PRORP: variants seen among roughly 807,000 people sequenced by gnomAD.
The protein encoded by PRORP is protein only RNase P catalytic subunit, also known as mitochondrial ribonuclease P catalytic subunit.
Under a neutral mutation model 59.4 loss-of-function variants are expected in PRORP, and 51 were observed. The observed-to-expected ratio is 0.86, with a 90% CI of 0.69 to 1.08. The LOEUF is 1.08. PRORP is among the 50% of genes least tolerant of loss of function. PRORP has a pLI of 0.00. For synonymous variants in PRORP, 231 were observed against 245.6 expected, an observed-to-expected ratio of 0.94 and a Z score of 0.55; for missense variants, 646 against 690.3, an observed-to-expected ratio of 0.94 and a Z score of 0.72.
At chr14:35,166,607 G>A (rs986192973) in intron 4 of PRORP, among the ~76,000 whole-genome samples, 3 of 151,952 alleles carry the variant, frequency 2.0e-5, no homozygotes, top group African/African-American at 4.8e-5. Context: ...GTGCCACCAC[G>A]CCCAGCTAAT....
At position 35,123,493 on chromosome 14, in the gene PRORP, A is replaced by T. The variant is rs1566437469; in HGVS notation, c.248A>T (p.His83Leu). ...AATAAGCAAGTTTATTCTGTTCCTCATTTTTTTTTAGCTGGAGCAGCTAAG... is the reference window on the plus strand; with the variant it reads ...AATAAGCAAGTTTATTCTGTTCCTCTTTTTTTTTTAGCTGGAGCAGCTAAG... ...GSNKQVYSVP[H>L]FFLAGAAKER... is the part of the protein sequence containing the mutation. The change falls in exon 2 of 8, where the codon CAT becomes CTT. Residue 83 changes from histidine (H) to leucine (L), a missense_variant. Physicochemically the swap from His to Leu is moderately conservative, Grantham distance 99. Transcript: ENST00000534898. 9.4e-6 allele frequency: 15 copies of T among 1,598,270 alleles called. 1 individual carries two copies. The Admixed American group carries it at 2.2e-4, about 23-fold the overall frequency.
chr14:35,211,079 G>C (rs773647593), intron 5 of PRORP, among the ~76,000 whole-genome samples: 1 of 152,002 alleles, frequency 6.6e-6, no homozygotes, highest in Non-Finnish European at 1.5e-5. Flanking sequence ...GGTCAAAACA[G>C]TTTTCTTTAG....
chr14:35,220,127 G>A (rs898319018), intron 5 of PRORP, among the ~76,000 whole-genome samples: 3 of 151,964 alleles, frequency 2.0e-5, no homozygotes, highest in African/African-American at 7.3e-5. Flanking sequence ...ACAAGTTCTG[G>A]GTGTTAGGAC....
At chr14:35,229,373 C>T (rs75471542) in intron 5 of PRORP, among the ~76,000 whole-genome samples, 3,379 of 152,162 alleles carry the variant, frequency 0.022, 117 homozygotes, top group African/African-American at 0.073. Flanking sequence ...TTCTGAAGGC[C>T]GACGTCCAGA....
intron 5 of PRORP, 133 bp downstream of exon 5, chr14:35,180,910 C>A: frequency 1.6e-6 from 1 of 612,654 alleles, no homozygotes; most frequent in Non-Finnish European, 2.9e-6. Flanking sequence ...GCCACAGTGA[C>A]CAACTGCATG....
intron 5 of PRORP, among the ~76,000 whole-genome samples, chr14:35,192,208 A>G (rs2048900874): frequency 1.3e-5 from 2 of 152,282 alleles, no homozygotes; most frequent in South Asian, 2.1e-4. Flanking sequence ...CCCCTCAAAC[A>G]TGCTGAATTT....
intron 5 of PRORP, among the ~76,000 whole-genome samples, chr14:35,247,475 A>G (rs2050514004): frequency 1.3e-5 from 2 of 152,222 alleles, no homozygotes; most frequent in South Asian, 4.1e-4. Context: ...GTAGCAAGAC[A>G]AAAGCTGTGT....
intron 5 of PRORP, among the ~76,000 whole-genome samples, chr14:35,234,216 G>A (rs1213261945): frequency 6.6e-6 from 1 of 152,140 alleles, no homozygotes; most frequent in Admixed American, 6.5e-5. Context: ...AGATGGAAAG[G>A]TTTAGAGATT....
intron 4 of PRORP, among the ~76,000 whole-genome samples, chr14:35,160,512 A>C (rs192144955): frequency 1.3e-5 from 2 of 152,332 alleles, no homozygotes; most frequent in East Asian, 3.9e-4. Flanking sequence ...AAAATTGCCC[A>C]AACTATTTTC....
In PRORP at chr14:35,262,583, G is replaced by A. The variant is rs538142139; in HGVS notation, c.1276-4144G>A. On this transcript the variant is annotated intron_variant, in intron 5 of 7. Transcript: ENST00000534898. ...CTGCAGAGGGATTTCAATCACATCA[G>A]TGTAGATTCAGTCTTCTTGGAAAGA... 3.4e-4 allele frequency: 240 copies of A among 714,628 alleles called. No homozygotes were observed. In the African/African-American group the frequency reaches 3.9e-3, roughly 12 times the overall value. The allele number at this position is 714,628 out of a possible 1,614,324, so 44.3% of individuals were successfully genotyped here.
intron 5 of PRORP, among the ~76,000 whole-genome samples, chr14:35,254,684 G>T (rs761079860): frequency 1.3e-5 from 2 of 151,906 alleles, no homozygotes; most frequent in South Asian, 2.1e-4. Flanking sequence ...GAGCCACCGC[G>T]CCCAGCCCAC....
rs989451815 is a variant in PRORP at position 35,233,172 on chromosome 14, G to T, written c.1276-33555G>T. 2.9e-5 allele frequency among the ~76,000 whole-genome samples: 4 copies of T among 137,768 alleles called. No homozygotes were observed. In the East Asian group the frequency reaches 7.8e-4, roughly 27 times the overall value. 90.4% of individuals were successfully genotyped at this position (137,768 alleles called of 152,430 possible). On this transcript the variant is annotated intron_variant, in intron 5 of 7. Coordinates refer to ENST00000534898, the MANE Select transcript of PRORP (RefSeq NM_014672.4). The stretch of plus-strand genomic sequence containing the variant: ...ATAAGCATCAGGCCCTGTTTTTTGC[G>T]CCAGGGATACACCAATGAATTAAGT...
At chr14:35,250,112 G>A (rs1306568804) in intron 5 of PRORP, among the ~76,000 whole-genome samples, 1 of 152,022 alleles carries the variant, frequency 6.6e-6, no homozygotes, top group African/African-American at 2.4e-5. Flanking sequence ...GCTGGGCATG[G>A]TGGCGCATGC....
At chr14:35,236,444 G>T (rs961144862) in intron 5 of PRORP, among the ~76,000 whole-genome samples, 1 of 152,054 alleles carries the variant, frequency 6.6e-6, no homozygotes, top group Non-Finnish European at 1.5e-5. Context: ...CTACCCATTT[G>T]CTCCCTAACC....
chr14:35,166,117 A>G (rs1364227840), intron 4 of PRORP, among the ~76,000 whole-genome samples: 2 of 152,148 alleles, frequency 1.3e-5, no homozygotes, highest in East Asian at 3.8e-4. Context: ...TGTCCCTTAT[A>G]TCCATAATGT....
intron 5 of PRORP, among the ~76,000 whole-genome samples, chr14:35,232,595 T>C (rs929282435): frequency 5.9e-5 from 9 of 152,166 alleles, no homozygotes; most frequent in Non-Finnish European, 8.8e-5. Flanking sequence ...ATTACTTAAT[T>C]TTTGCTTGGC....
intron 2 of PRORP, among the ~76,000 whole-genome samples, chr14:35,126,489 T>A (rs1186779624): frequency 1.3e-5 from 2 of 152,098 alleles, no homozygotes; most frequent in African/African-American, 4.8e-5. Flanking sequence ...CCGCTTTTGG[T>A]AGACTTGAAG....
chr14:35,135,994 G>A (rs1014403680), intron 4 of PRORP, among the ~76,000 whole-genome samples: 5 of 151,584 alleles, frequency 3.3e-5, no homozygotes, highest in Admixed American at 1.3e-4. Flanking sequence ...GCAAAAGTAT[G>A]ATATGTATAT....
rs1247551514 is a variant in PRORP, at chr14:35,270,458, G to T, written c.1482G>T (p.Arg494Ser). ...YATLHSGNHC[R>S]FITRDLMRDH... The stretch of plus-strand genomic sequence containing the variant: ...CACTGCACTCCGGGAATCACTGCAG[G>T]TTTATCACAAGAGACCTGATGCGGG... Residue 494 changes from arginine (R) to serine (S), a missense_variant, in exon 7 of 8, where the codon AGG becomes AGT. By Grantham distance (110) the Arg-to-Ser change is moderately radical (BLOSUM62 -1). Transcript: ENST00000534898. 1.2e-6 allele frequency: 2 copies of T among 1,614,130 alleles called. No homozygotes were observed. Among genetic ancestry groups the T allele is most frequent in the Non-Finnish European group, 8.5e-7 (1 of 1,180,022 alleles).
Sources: allele counts gnomAD v4.1 joint callset (sites outside exome capture counted in the v4.1 genomes callset), GRCh38; gene constraint gnomAD v4.1.1; transcripts MANE v1.5; gene names NCBI Gene and HGNC (gene_info 2026-07-23, HGNC 2026-07-21).